DNM3: variants seen among roughly 807,000 people sequenced by gnomAD.
DNM3 encodes the protein dynamin-3.
DNM3 carries 47 observed loss-of-function variants against 101.6 expected under a neutral mutation model. That is an observed-to-expected ratio of 0.46 (90% confidence interval 0.37 to 0.59). The LOEUF (loss-of-function observed/expected upper bound fraction) is 0.59, where lower values mean the gene tolerates loss of function less well. DNM3 is among the 20% of genes least tolerant of loss of function. The pLI, the probability that DNM3 is intolerant of heterozygous loss-of-function variation, is 0.00. For missense variants in DNM3, 849 were observed against 1,085.7 expected, an observed-to-expected ratio of 0.78 and a Z score of 3.06; for synonymous variants, 385 against 387.9, an observed-to-expected ratio of 0.99 and a Z score of 0.09.
chr1:172,344,673 A>G (rs980318101), intron 17 of DNM3, among the ~76,000 whole-genome samples: 5 of 152,202 alleles, frequency 3.3e-5, no homozygotes, highest in Admixed American at 2.0e-4. Context: ...TGATGGCGCC[A>G]GCGGCTGAAC....
intron 17 of DNM3, among the ~76,000 whole-genome samples, chr1:172,326,792 T>A (rs2065956027): frequency 6.6e-6 from 1 of 152,148 alleles, no homozygotes; most frequent in South Asian, 2.1e-4. Context: ...TTGGTATAGA[T>A]ACACAAATGA....
Position 171,993,496 on chromosome 1 carries a change from T to TCC in DNM3, c.589+4348_589+4349insCC, listed in dbSNP as rs1419563982. ...TTCTTCTCTCCTGCTGCTTTCAAGA[T>TCC]TCTTTTTTTTTTTTTTTTGTCTTTT... On this transcript the variant is annotated intron_variant, in intron 4 of 20. Coordinates refer to ENST00000627582, the MANE Select transcript of DNM3 (RefSeq NM_015569.5). 4.4e-5 allele frequency among the ~76,000 whole-genome samples: 4 copies of TCC among 91,414 alleles called. No homozygotes were observed. In the East Asian group the frequency reaches 1.5e-3, roughly 34 times the overall value. The allele number at this position is 91,414 out of a possible 152,430, so 60.0% of individuals were successfully genotyped here. A position where few individuals can be genotyped will look rare whatever the true frequency, so the allele number is the denominator to read the frequency against.
chr1:171,961,757 A>G (rs558445320), intron 2 of DNM3, among the ~76,000 whole-genome samples: 1 of 152,184 alleles, frequency 6.6e-6, no homozygotes, highest in South Asian at 2.1e-4. Context: ...ACAATGGAAT[A>G]TTACTCAGCC....
intron 14 of DNM3, among the ~76,000 whole-genome samples, chr1:172,233,480 A>G (rs980460262): frequency 1.3e-5 from 2 of 152,210 alleles, no homozygotes; most frequent in Admixed American, 1.3e-4. Flanking sequence ...AACTGATACC[A>G]TTCCTTCTGA....
intron 20 of DNM3, among the ~76,000 whole-genome samples, chr1:172,407,163 T>G (rs891403071): frequency 1.3e-5 from 2 of 151,698 alleles, no homozygotes; most frequent in African/African-American, 2.4e-5. Context: ...ATACCAATAC[T>G]AAAGTCTTTA....
At chr1:172,046,419 G>A (rs868471164) in intron 9 of DNM3, among the ~76,000 whole-genome samples, 21 of 152,146 alleles carry the variant, frequency 1.4e-4, no homozygotes, top group Admixed American at 8.5e-4. Flanking sequence ...GTGGGAGTAG[G>A]GGGGAGGGAT....
intron 15 of DNM3, among the ~76,000 whole-genome samples, chr1:172,285,637 G>A (rs2255707): frequency 0.061 from 9,305 of 152,150 alleles, 357 homozygotes; most frequent in African/African-American, 0.099. Flanking sequence ...TTCAAAATCA[G>A]TTCAAGGAAC....
intron 15 of DNM3, among the ~76,000 whole-genome samples, chr1:172,301,454 A>C (rs2064446415): frequency 6.6e-6 from 1 of 152,184 alleles, no homozygotes; most frequent in South Asian, 2.1e-4. Flanking sequence ...GTGAGCTATG[A>C]CTGTGCCACT....
chr1:171,858,481 G>A (rs2033842727), intron 1 of DNM3, among the ~76,000 whole-genome samples: 1 of 151,834 alleles, frequency 6.6e-6, no homozygotes, highest in African/African-American at 2.4e-5. Context: ...GGAACCAAAT[G>A]GATTTGAAAA....
intron 14 of DNM3, among the ~76,000 whole-genome samples, chr1:172,234,478 A>G (rs1358499864): frequency 6.6e-6 from 1 of 152,180 alleles, no homozygotes; most frequent in Non-Finnish European, 1.5e-5. Context: ...TTACAGATTC[A>G]ATGCCATCCC....
At chr1:172,037,442 T>C (rs1482224417) in intron 6 of DNM3, among the ~76,000 whole-genome samples, 1 of 152,214 alleles carries the variant, frequency 6.6e-6, no homozygotes, top group Non-Finnish European at 1.5e-5. Flanking sequence ...AATTTTAATA[T>C]TTTTTCTTTT....
At chr1:172,281,574 A>G (rs751202632) in intron 15 of DNM3, among the ~76,000 whole-genome samples, 26 of 152,206 alleles carry the variant, frequency 1.7e-4, no homozygotes, top group Non-Finnish European at 2.8e-4. Context: ...ATTGATATAT[A>G]TAATTTAGTA....
chr1:172,121,480 T>C (rs1030074264), intron 13 of DNM3, among the ~76,000 whole-genome samples: 4 of 152,226 alleles, frequency 2.6e-5, no homozygotes, highest in African/African-American at 9.6e-5. Flanking sequence ...ATGCCCTCAT[T>C]ATGTGAGCAT....
chr1:172,187,838 T>C (rs1395340188), intron 14 of DNM3, among the ~76,000 whole-genome samples: 1 of 152,132 alleles, frequency 6.6e-6, no homozygotes, highest in East Asian at 1.9e-4. Flanking sequence ...GAATATCCTG[T>C]TGCTCTTCAC....
At chr1:172,235,071 G>A (rs1046170576) in intron 14 of DNM3, among the ~76,000 whole-genome samples, 14 of 152,132 alleles carry the variant, frequency 9.2e-5, no homozygotes, top group East Asian at 5.8e-4. Flanking sequence ...GCAACCTACA[G>A]AATGGGAGAA....
In DNM3 at chr1:172,111,095, A is replaced by G. The variant is rs138554162; in HGVS notation, c.1545+18220A>G. 2.6e-5 allele frequency among the ~76,000 whole-genome samples: 4 copies of G among 152,372 alleles called. No individual in the cohort carries two copies. The East Asian group carries it at 5.8e-4, about 22-fold the overall frequency. On this transcript the variant is annotated intron_variant, in intron 13 of 20. Transcript: ENST00000627582. ...TGAAATATGATTCTGAACATAGTAA[A>G]TTCTAATCTAATAAAGAAACTGATT...
chr1:171,935,352 A>G (rs2041324948), intron 2 of DNM3, among the ~76,000 whole-genome samples: 1 of 152,210 alleles, frequency 6.6e-6, no homozygotes, highest in Non-Finnish European at 1.5e-5. Flanking sequence ...ACAGGAAAGC[A>G]TTCCAGGAAA....
chr1:171,868,374 G>A (rs1230533020), intron 1 of DNM3, among the ~76,000 whole-genome samples: 2 of 152,068 alleles, frequency 1.3e-5, no homozygotes, highest in Admixed American at 6.5e-5. Flanking sequence ...GGTCTGCTCA[G>A]GCCAAGAGGC....
In DNM3 at chr1:172,127,793, C is replaced by A. The variant is rs569092028; in HGVS notation, c.1546-3382C>A. Reference sequence around the variant, plus strand: ...GAAAGGAAAGAGAGAAAGAAAGAAACCTAAAACAAAACAGCTATCACTACC... The same window carrying A: ...GAAAGGAAAGAGAGAAAGAAAGAAAACTAAAACAAAACAGCTATCACTACC... On this transcript the variant is annotated intron_variant, in intron 13 of 20. Coordinates refer to ENST00000627582, the MANE Select transcript of DNM3 (RefSeq NM_015569.5). 1.1e-4 allele frequency among the ~76,000 whole-genome samples: 17 copies of A among 152,172 alleles called. 1 individual carries two copies. Among genetic ancestry groups the A allele is most frequent in the Admixed American group, 1.1e-3 (17 of 15,280 alleles).
Sources: allele counts gnomAD v4.1 joint callset (sites outside exome capture counted in the v4.1 genomes callset), GRCh38; gene constraint gnomAD v4.1.1; transcripts MANE v1.5; gene names NCBI Gene and HGNC (gene_info 2026-07-23, HGNC 2026-07-21).